Variants in SNX29 observed in about 807,000 individuals in gnomAD.
SNX29 encodes the protein sorting nexin-29.
A neutral mutation model predicts 102.1 loss-of-function variants in SNX29; 78 were observed. The ratio of observed to expected loss-of-function variants is 0.76; its 90% CI spans 0.64 to 0.92. SNX29 has a LOEUF of 0.92. SNX29 is among the 40% of genes least tolerant of loss of function. SNX29 has a pLI of 0.00. For missense variants in SNX29, 1,280 were observed against 1,061.7 expected (o/e 1.21, Z -2.86); for synonymous variants, 580 against 414.5 (o/e 1.40, Z -4.85).
At chr16:12,128,740 C>T (rs1400702500) in intron 12 of SNX29, among the ~76,000 whole-genome samples, 1 of 152,166 alleles carries the variant, frequency 6.6e-6, no homozygotes, top group African/African-American at 2.4e-5. Context: ...GCGTGAGCCA[C>T]CCTGCCCGGC....
At chr16:12,310,281 C>G (rs2080495382) in intron 15 of SNX29, among the ~76,000 whole-genome samples, 1 of 152,210 alleles carries the variant, frequency 6.6e-6, no homozygotes, top group African/African-American at 2.4e-5. Context: ...TGAGATAATA[C>G]TCCAGCTTCA....
chr16:12,571,344 C>CT lies in SNX29; in HGVS notation c.*2716dup. 8.6e-6 allele frequency: 2 copies of CT among 231,532 alleles called. No individual in the cohort carries two copies. The highest frequency in any genetic ancestry group is 1.7e-5 in the Non-Finnish European group (2 of 116,998). 14.3% of individuals were successfully genotyped at this position (231,532 alleles called of 1,614,324 possible). A position where few individuals can be genotyped will look rare whatever the true frequency, so the allele number is the denominator to read the frequency against. ...GTCAGCCTGGATTCAATTCTGAGGGCTAAGCCACGACCTTATCCATGAGTG... is the reference window on the plus strand; with the variant it reads ...GTCAGCCTGGATTCAATTCTGAGGGCTTAAGCCACGACCTTATCCATGAGTG... On this transcript the variant is annotated 3_prime_UTR_variant, in exon 21 of 21. Transcript: ENST00000566228.
intron 14 of SNX29, among the ~76,000 whole-genome samples, chr16:12,264,312 G>T (rs1176802181): frequency 6.6e-6 from 1 of 152,210 alleles, no homozygotes; most frequent in Non-Finnish European, 1.5e-5. Context: ...CTCTGCATGG[G>T]CTTTTGAAAT....
chr16:12,026,108 G>C (rs1418039378), intron 3 of SNX29, among the ~76,000 whole-genome samples: 1 of 152,200 alleles, frequency 6.6e-6, no homozygotes, highest in African/African-American at 2.4e-5. Context: ...AAATGCCCGA[G>C]GCCAGGCAAG....
At chr16:12,334,666 C>A (rs542871283) in intron 15 of SNX29, among the ~76,000 whole-genome samples, 1 of 152,128 alleles carries the variant, frequency 6.6e-6, no homozygotes, top group Non-Finnish European at 1.5e-5. Flanking sequence ...GCTGAACATT[C>A]GGGCCATTTC....
At chr16:12,289,660 C>G (rs768218068) in intron 15 of SNX29, among the ~76,000 whole-genome samples, 2 of 152,202 alleles carry the variant, frequency 1.3e-5, no homozygotes, top group Non-Finnish European at 2.9e-5. Context: ...TAGAGAAACA[C>G]TTGGAAAATG....
At chr16:12,090,965 A>G (rs1359312980) in intron 11 of SNX29, among the ~76,000 whole-genome samples, 3 of 147,244 alleles carry the variant, frequency 2.0e-5, no homozygotes, top group Non-Finnish European at 1.5e-5. Context: ...CAGTGAGACA[A>G]GATCACACCA....
rs34547147 is a variant in SNX29 at position 12,390,149 on chromosome 16, G to GGTGTGTGTGTGTGT, written c.1900-8278_1900-8265dup. On this transcript the variant is annotated intron_variant, in intron 16 of 20. Transcript: ENST00000566228. ...TGTTACCCCGTGCGTGCAATTGAGG[G>GGTGTGTGTGTGTGT]GTGTGTGTGTGTGTGTGTGTGTGTG... 5.1e-3 allele frequency among the ~76,000 whole-genome samples: 741 copies of GGTGTGTGTGTGTGT among 145,658 alleles called. 3 individuals are homozygous for GGTGTGTGTGTGTGT. Among genetic ancestry groups the GGTGTGTGTGTGTGT allele is most frequent in the African/African-American group, 0.018 (697 of 39,348 alleles).
intron 18 of SNX29, among the ~76,000 whole-genome samples, chr16:12,457,248 A>C (rs57278952): frequency 6.6e-6 from 1 of 152,214 alleles, no homozygotes; most frequent in Non-Finnish European, 1.5e-5. Context: ...GGTGGGTGCT[A>C]ATACTATCCC....
intron 14 of SNX29, among the ~76,000 whole-genome samples, chr16:12,266,868 A>T (rs1464961859): frequency 6.6e-6 from 1 of 152,020 alleles, no homozygotes; most frequent in African/African-American, 2.4e-5. Flanking sequence ...GGTTCAAGTG[A>T]TTCTCCTGCC....
chr16:12,351,868 A>G (rs923634988), intron 15 of SNX29, among the ~76,000 whole-genome samples: 10 of 152,138 alleles, frequency 6.6e-5, no homozygotes, highest in Admixed American at 1.3e-4. Flanking sequence ...ATGACTGCCT[A>G]GGTATCTTCT....
intron 15 of SNX29, among the ~76,000 whole-genome samples, chr16:12,288,377 A>C (rs1244960446): frequency 6.6e-6 from 1 of 152,020 alleles, no homozygotes; most frequent in Admixed American, 6.6e-5. Flanking sequence ...CGACCCCTTA[A>C]TCTACACATA....
intron 14 of SNX29, among the ~76,000 whole-genome samples, chr16:12,209,320 G>T (rs1414760825): frequency 6.6e-6 from 1 of 152,196 alleles, no homozygotes; most frequent in Non-Finnish European, 1.5e-5. Flanking sequence ...CTCCCAGATA[G>T]CTGGGATTAC....
chr16:12,341,825 G>A (rs904832404), intron 15 of SNX29, among the ~76,000 whole-genome samples: 3 of 152,236 alleles, frequency 2.0e-5, no homozygotes, highest in African/African-American at 4.8e-5. Flanking sequence ...GGAGCAGGTA[G>A]GGTGCATGGT....
At chr16:12,114,627 C>T (rs928394012) in intron 11 of SNX29, among the ~76,000 whole-genome samples, 2 of 151,636 alleles carry the variant, frequency 1.3e-5, no homozygotes, top group African/African-American at 4.9e-5. Context: ...TGCTCTGCTG[C>T]CTAGGCTGGA....
At chr16:12,238,043 G>T (rs141110435) in intron 14 of SNX29, among the ~76,000 whole-genome samples, 1 of 152,208 alleles carries the variant, frequency 6.6e-6, no homozygotes, top group African/African-American at 2.4e-5. Flanking sequence ...TGGGTGTGGG[G>T]GTTGAGGTTG....
intron 19 of SNX29, among the ~76,000 whole-genome samples, chr16:12,479,622 T>C (rs957675550): frequency 6.6e-6 from 1 of 152,158 alleles, no homozygotes; most frequent in Non-Finnish European, 1.5e-5. Context: ...AAGAATTCTT[T>C]TGAAAAGAGG....
chr16:12,169,033 C>T (rs1028419404), intron 13 of SNX29, among the ~76,000 whole-genome samples: 1 of 152,184 alleles, frequency 6.6e-6, no homozygotes, highest in African/African-American at 2.4e-5. Flanking sequence ...GAGGTGATCT[C>T]AAGACTTGGC....
chr16:12,287,445 C>G (rs986730231), intron 15 of SNX29, among the ~76,000 whole-genome samples: 1 of 152,174 alleles, frequency 6.6e-6, no homozygotes, highest in African/African-American at 2.4e-5. Flanking sequence ...ATATACTCAT[C>G]ACCCTACTTC....
Sources: allele counts gnomAD v4.1 joint callset (sites outside exome capture counted in the v4.1 genomes callset), GRCh38; gene constraint gnomAD v4.1.1; transcripts MANE v1.5; gene names NCBI Gene and HGNC (gene_info 2026-07-23, HGNC 2026-07-21).